The following LRMDA variants were observed in gnomAD, a reference collection of about 807,000 sequenced individuals.
The protein encoded by LRMDA is leucine-rich melanocyte differentiation-associated protein.
A neutral mutation model predicts 29.8 loss-of-function variants in LRMDA; 18 were observed. That is an observed-to-expected ratio of 0.60 (90% confidence interval 0.42 to 0.90). The LOEUF (loss-of-function observed/expected upper bound fraction) is 0.90. LRMDA is among the 40% of genes least tolerant of loss of function. The pLI is 0.00. For synonymous variants in LRMDA, 125 were observed against 109.4 expected (o/e 1.14, Z -0.89); for missense variants, 273 against 273.9 (o/e 1.00, Z 0.02).
intron 2 of LRMDA, among the ~76,000 whole-genome samples, chr10:75,831,115 G>A (rs956178020): frequency 6.6e-6 from 1 of 151,432 alleles, no homozygotes; most frequent in African/African-American, 2.4e-5. Flanking sequence ...GCGTGATCTC[G>A]GCTCACTGCA....
intron 2 of LRMDA, among the ~76,000 whole-genome samples, chr10:75,647,805 C>A (rs1841542249): frequency 6.6e-6 from 1 of 152,100 alleles, no homozygotes; most frequent in Non-Finnish European, 1.5e-5. Context: ...AGAGAGGGAC[C>A]AAGGTAGCTG....
chr10:75,595,284 T>G (rs1840772136), intron 2 of LRMDA, among the ~76,000 whole-genome samples: 1 of 152,184 alleles, frequency 6.6e-6, no homozygotes, highest in South Asian at 2.1e-4. Flanking sequence ...TTCAGTCAGC[T>G]CATGTCAGTC....
rs559138334 is a variant in LRMDA at position 75,882,457 on chromosome 10, A to G, written c.132-153551A>G. Among the ~76,000 whole-genome samples, 94 of 152,326 alleles carry G rather than the reference A, an allele frequency of 6.2e-4. No individual in the cohort carries two copies. In the Middle Eastern group the frequency reaches 0.01, roughly 17 times the overall value. Reference sequence around the variant, plus strand: ...TGGCATAGAAATGAGGACAGCAGCTATAGAGCACCTAAAATTTTCTACAGG... The same window carrying G: ...TGGCATAGAAATGAGGACAGCAGCTGTAGAGCACCTAAAATTTTCTACAGG... On this transcript the variant is annotated intron_variant, in intron 2 of 6. Coordinates refer to ENST00000611255, the MANE Select transcript of LRMDA (RefSeq NM_001305581.2).
chr10:75,655,571 T>A (rs1480871255), intron 2 of LRMDA, among the ~76,000 whole-genome samples: 2 of 152,126 alleles, frequency 1.3e-5, no homozygotes, highest in Non-Finnish European at 2.9e-5. Flanking sequence ...GAGAGTCAGT[T>A]TTTGGGTGGG....
chr10:76,136,012 T>G (rs1440653169), intron 5 of LRMDA, among the ~76,000 whole-genome samples: 1 of 152,186 alleles, frequency 6.6e-6, no homozygotes, highest in African/African-American at 2.4e-5. Flanking sequence ...AGGCATAGAT[T>G]GTTATCTTGA....
rs1345544080 is a variant in LRMDA, at chr10:75,978,782, A to G, written c.132-57226A>G. On this transcript the variant is annotated intron_variant, in intron 2 of 6. Coordinates refer to ENST00000611255, the MANE Select transcript of LRMDA (RefSeq NM_001305581.2). Reference sequence around the variant, plus strand: ...ATAATTTTTTGTATGCAACCATATTATAATTACATATCAAACCCAGGATTT... The same window carrying G: ...ATAATTTTTTGTATGCAACCATATTGTAATTACATATCAAACCCAGGATTT... 3.9e-5 allele frequency among the ~76,000 whole-genome samples: 6 copies of G among 152,250 alleles called. 1 individual carries two copies. Among genetic ancestry groups the G allele is most frequent in the Non-Finnish European group, 5.9e-5 (4 of 68,050 alleles).
At chr10:75,565,304 G>C (rs1242093989) in intron 2 of LRMDA, among the ~76,000 whole-genome samples, 1 of 152,184 alleles carries the variant, frequency 6.6e-6, no homozygotes, top group Non-Finnish European at 1.5e-5. Context: ...AAAGCACCAA[G>C]GCAGTTGTCA....
At chr10:75,590,154 G>A (rs970033337) in intron 2 of LRMDA, among the ~76,000 whole-genome samples, 8 of 151,886 alleles carry the variant, frequency 5.3e-5, no homozygotes, top group Non-Finnish European at 1.2e-4. Flanking sequence ...AAGTAGCTGG[G>A]ACGACAGGCA....
chr10:76,241,672 T>G (rs2132285773), intron 5 of LRMDA, among the ~76,000 whole-genome samples: 1 of 152,298 alleles, frequency 6.6e-6, no homozygotes, highest in South Asian at 2.1e-4. Context: ...CCTCTGTACC[T>G]GTAGCAGAGG....
At chr10:76,413,502 TACTC>T (rs1051895356) in intron 6 of LRMDA, among the ~76,000 whole-genome samples, 3 of 152,048 alleles carry the variant, frequency 2.0e-5, no homozygotes, top group Admixed American at 6.5e-5. Flanking sequence ...CCCTGAGACT[TACTC>T]ACTACCATGA....
intron 5 of LRMDA, among the ~76,000 whole-genome samples, chr10:76,208,644 A>G (rs1851580343): frequency 6.6e-6 from 1 of 152,156 alleles, no homozygotes; most frequent in Admixed American, 6.5e-5. Context: ...GACCTTCAGA[A>G]ATAGGAGGAA....
At chr10:75,468,194 A>C (rs1489450469) in intron 2 of LRMDA, among the ~76,000 whole-genome samples, 1 of 152,176 alleles carries the variant, frequency 6.6e-6, no homozygotes, top group Non-Finnish European at 1.5e-5. Flanking sequence ...AATAGCCCCA[A>C]AGGACTTCAC....
intron 2 of LRMDA, among the ~76,000 whole-genome samples, chr10:75,945,003 T>G (rs2132413599): frequency 6.6e-6 from 1 of 152,272 alleles, no homozygotes; most frequent in South Asian, 2.1e-4. Flanking sequence ...AAAAAAACTC[T>G]TGACTATGGG....
intron 2 of LRMDA, among the ~76,000 whole-genome samples, chr10:75,818,616 G>T (rs1844100994): frequency 2.0e-5 from 3 of 152,210 alleles, no homozygotes; most frequent in African/African-American, 7.2e-5. Flanking sequence ...CTGCCCAGTG[G>T]CAATGGAGCC....
intron 6 of LRMDA, among the ~76,000 whole-genome samples, chr10:76,336,330 C>T (rs1030984195): frequency 5.9e-5 from 9 of 152,240 alleles, no homozygotes; most frequent in African/African-American, 2.2e-4. Flanking sequence ...CAGGATCATG[C>T]TGGACGGAGC....
chr10:75,923,606 A>G (rs1197100223), intron 2 of LRMDA, among the ~76,000 whole-genome samples: 1 of 152,096 alleles, frequency 6.6e-6, no homozygotes, highest in Non-Finnish European at 1.5e-5. Flanking sequence ...GAATGCTTGC[A>G]TTTCCCAGTG....
rs1847757537 is a variant in LRMDA at position 76,010,456 on chromosome 10, G to A, written c.132-25552G>A. Among the ~76,000 whole-genome samples the A allele has an allele frequency of 2.0e-5, 3 of 151,910 alleles. No individual in the cohort carries two copies. The South Asian group carries it at 6.2e-4, about 32-fold the overall frequency. On this transcript the variant is annotated intron_variant, in intron 2 of 6. Coordinates refer to ENST00000611255, the MANE Select transcript of LRMDA (RefSeq NM_001305581.2). ...GCCTCCTGAGTAGCTGGGACTACAG[G>A]CGCTCACTACCATGCCTGGCTAATT...
chr10:75,863,889 C>A (rs1427882108), intron 2 of LRMDA, among the ~76,000 whole-genome samples: 2 of 152,034 alleles, frequency 1.3e-5, no homozygotes, highest in Non-Finnish European at 2.9e-5. Context: ...TTGATTTTTC[C>A]CATATATTAT....
chr10:75,600,926 G>A (rs553314092), intron 2 of LRMDA, among the ~76,000 whole-genome samples: 2 of 152,300 alleles, frequency 1.3e-5, no homozygotes, highest in South Asian at 4.1e-4. Context: ...ATAGTGTTTG[G>A]TAAATTAGAG....
Sources: gnomAD v4.1 joint callset for allele counts (sites outside exome capture counted in the v4.1 genomes callset) on GRCh38, gnomAD v4.1.1 for gene constraint, MANE v1.5 for transcripts, NCBI Gene and HGNC (gene_info 2026-07-23, HGNC 2026-07-21) for gene names.